The following KTN1 variants were observed in gnomAD, a reference collection of about 807,000 sequenced individuals.
The protein encoded by KTN1 is kinectin 1, also known as kinectin.
Under a neutral mutation model 222.5 loss-of-function variants are expected in KTN1, and 130 were observed. The observed-to-expected ratio is 0.58, with a 90% CI of 0.51 to 0.68. The LOEUF (loss-of-function observed/expected upper bound fraction) is 0.68, where lower values mean the gene tolerates loss of function less well. Among genes scored for constraint, KTN1 ranks in the 30% least tolerant of loss-of-function variants. KTN1 has a pLI of 0.00. For synonymous variants in KTN1, 512 were observed against 496.3 expected, an observed-to-expected ratio of 1.03 and a Z score of -0.42; for missense variants, 1,508 against 1,500.4, an observed-to-expected ratio of 1.01 and a Z score of -0.08.
At chr14:55,666,019 T>C (rs1434235113) in intron 33 of KTN1, among the ~76,000 whole-genome samples, 1 of 151,976 alleles carries the variant, frequency 6.6e-6, no homozygotes, top group Non-Finnish European at 1.5e-5. Flanking sequence ...ATGATAAGAA[T>C]TACCTCTTAA....
In KTN1 at chr14:55,684,100, G is replaced by A. The variant is rs201489766; in HGVS notation, c.4071G>A (p.Glu1357=). The change falls in exon 44 of 44, where the codon GAG becomes GAA. Residue 1357 remains glutamate, a splice_region_variant and synonymous_variant. Coordinates refer to ENST00000395314, the MANE Select transcript of KTN1 (RefSeq NM_001079521.2). ...TKEKEHYQVL[E] The stretch of plus-strand genomic sequence containing the variant: ...TTCATTCTTTCTGATCTTTTACAGA[G>A]TGAAGTAATTGGGAAACTGTTCATT... 2.5e-5 allele frequency: 40 copies of A among 1,602,846 alleles called. No homozygotes were observed. In the South Asian group the frequency reaches 3.1e-4, roughly 13 times the overall value.
intron 43 of KTN1, chr14:55,683,165 C>T (rs2046514332): frequency 6.6e-6 from 1 of 152,114 alleles, no homozygotes; most frequent in Non-Finnish European, 1.5e-5. Context: ...TCTGTGTTTA[C>T]ATAGCACTTT....
At chr14:55,679,503 T>G in intron 42 of KTN1, 62 bp from the exon 43 acceptor site, 1 of 1,386,716 alleles carries the variant, frequency 7.2e-7, no homozygotes, top group Non-Finnish European at 1.0e-6. Context: ...TTTTCTGTTG[T>G]TTGGTTTTAC....
chr14:55,637,902 C>T, intron 12 of KTN1, 55 bp downstream of exon 12: 2 of 1,329,818 alleles, frequency 1.5e-6, no homozygotes, highest in Non-Finnish European at 2.1e-6. Flanking sequence ...TTTAAACACT[C>T]ACCTGAATGT....
intron 6 of KTN1, 26 bp downstream of exon 6, chr14:55,628,054 A>G (rs748134103): frequency 5.0e-5 from 66 of 1,323,944 alleles, no homozygotes; most frequent in Non-Finnish European, 6.8e-5. Flanking sequence ...TGTACGAGGG[A>G]TATACTTCCC....
intron 1 of KTN1, among the ~76,000 whole-genome samples, chr14:55,603,184 A>G (rs1355928080): frequency 6.6e-6 from 1 of 151,174 alleles, no homozygotes; most frequent in African/African-American, 2.4e-5. Context: ...TTTTGTCAGC[A>G]TATTATCATG....
rs768035068 is a variant in KTN1, at chr14:55,661,508, A to C, written c.3000-14A>C. ...ACCTAAAATCTTGCTACATGTATTCATGTTCTGGTTTAGAATTTCAGAAAG... is the reference window on the plus strand; with the variant it reads ...ACCTAAAATCTTGCTACATGTATTCCTGTTCTGGTTTAGAATTTCAGAAAG... On this transcript the variant is annotated splice_polypyrimidine_tract_variant and intron_variant, in intron 31 of 43. Transcript: ENST00000395314. 1 of 1,421,700 alleles carries C rather than the reference A, an allele frequency of 7.0e-7. No individual in the cohort carries two copies. The highest frequency in any genetic ancestry group is 2.3e-5 in the East Asian group (1 of 43,786). The allele number at this position is 1,421,700 out of a possible 1,614,324, so 88.1% of individuals were successfully genotyped here. A position where few individuals can be genotyped will look rare whatever the true frequency, so the allele number is the denominator to read the frequency against.
intron 1 of KTN1, among the ~76,000 whole-genome samples, chr14:55,605,743 G>T (rs768680807): frequency 6.6e-6 from 1 of 152,080 alleles, no homozygotes. Flanking sequence ...TTTTGCTCAG[G>T]ATATATCTGC....
chr14:55,629,188 G>A (rs376476608), intron 6 of KTN1, among the ~76,000 whole-genome samples: 5 of 152,054 alleles, frequency 3.3e-5, no homozygotes, highest in African/African-American at 1.2e-4. Flanking sequence ...AGGCTGAGGC[G>A]GGTGAATCAT....
chr14:55,637,711 A>G (rs2140973258), intron 11 of KTN1, 68 bp from the exon 12 acceptor site: 2 of 1,066,106 alleles, frequency 1.9e-6, no homozygotes, highest in Middle Eastern at 2.1e-4. Context: ...CCTATAATAC[A>G]TTGTGTTCAT....
chr14:55,641,692 A>T lies in KTN1; in HGVS notation c.2104A>T (p.Ile702Phe). ...AGTAAATTGAGACTCTTTCTTCCAG[A>T]TTCTAAATGACCAAAACAAAGCATT... Reference protein sequence around the residue: ...EISNKMEEFKILNDQNKALKS... With the variant: ...EISNKMEEFKFLNDQNKALKS... The change falls in exon 18 of 44, where the codon ATT (isoleucine) becomes TTT (phenylalanine). Residue 702 changes from isoleucine to phenylalanine, a missense_variant and splice_region_variant. Coordinates refer to ENST00000395314, the MANE Select transcript of KTN1 (RefSeq NM_001079521.2). The T allele has an allele frequency of 6.3e-7, 1 of 1,582,738 alleles. No homozygotes were observed. Among genetic ancestry groups the T allele is most frequent in the African/African-American group, 1.3e-5 (1 of 74,342 alleles).
chr14:55,671,284 A>G (rs559978061), intron 35 of KTN1: 4 of 398,562 alleles, frequency 1.0e-5, no homozygotes, highest in African/African-American at 8.4e-5. Flanking sequence ...TGTGTGTAGC[A>G]TAGGCATTGT....
At chr14:55,607,374 C>G (rs1480682468) in intron 1 of KTN1, 1 of 152,062 alleles carries the variant, frequency 6.6e-6, no homozygotes, top group Non-Finnish European at 1.5e-5. Context: ...GGAATGAAAA[C>G]TCTCAATATA....
chr14:55,649,393 A>G (rs897789749), intron 21 of KTN1, among the ~76,000 whole-genome samples: 4 of 152,252 alleles, frequency 2.6e-5, no homozygotes, highest in Non-Finnish European at 5.9e-5. Flanking sequence ...TACTCCAGAT[A>G]GGGTGCCATT....
intron 1 of KTN1, among the ~76,000 whole-genome samples, chr14:55,581,304 T>TA (rs1411671814): frequency 6.6e-6 from 1 of 152,252 alleles, no homozygotes; most frequent in African/African-American, 2.4e-5. Context: ...AGGTTGAAAG[T>TA]AAGCTGTTCA....
At chr14:55,595,980 C>T (rs2034951471) in intron 1 of KTN1, among the ~76,000 whole-genome samples, 1 of 151,630 alleles carries the variant, frequency 6.6e-6, no homozygotes, top group African/African-American at 2.4e-5. Context: ...TGGTGAAACC[C>T]CGTCTCTACC....
chr14:55,618,818 CAGTT>C (rs936086705), intron 4 of KTN1, among the ~76,000 whole-genome samples: 6 of 152,102 alleles, frequency 3.9e-5, no homozygotes, highest in African/African-American at 7.2e-5. Context: ...TTGTTTTTCA[CAGTT>C]GGTTGTCAGT....
At chr14:55,595,948 A>C (rs1287687961) in intron 1 of KTN1, among the ~76,000 whole-genome samples, 1 of 152,002 alleles carries the variant, frequency 6.6e-6, no homozygotes, top group Non-Finnish European at 1.5e-5. Flanking sequence ...AGGTCAGGAG[A>C]TCAAGACCAT....
intron 5 of KTN1, among the ~76,000 whole-genome samples, chr14:55,626,358 A>T (rs1012714901): frequency 4.6e-5 from 7 of 151,986 alleles, no homozygotes; most frequent in Non-Finnish European, 1.5e-5. Flanking sequence ...TATTTCTGGG[A>T]TGGTGTTGCT....
Sources: allele counts gnomAD v4.1 joint callset (sites outside exome capture counted in the v4.1 genomes callset), GRCh38; gene constraint gnomAD v4.1.1; transcripts MANE v1.5; gene names NCBI Gene and HGNC (gene_info 2026-07-23, HGNC 2026-07-21).